The following EYS variants were observed in gnomAD, a reference collection of about 807,000 sequenced individuals.
The protein encoded by EYS is EGF-like photoreceptor maintenance factor.
A neutral mutation model predicts 282.1 loss-of-function variants in EYS; 250 were observed. That is an observed-to-expected ratio of 0.89 (90% CI 0.80 to 0.98). EYS has a LOEUF of 0.98. EYS is among the 50% of genes least tolerant of loss of function. The pLI, the probability that EYS is intolerant of heterozygous loss-of-function variation, is 0.00. For synonymous variants in EYS, 1,355 were observed against 1,282.9 expected (o/e 1.06, Z -1.20); for missense variants, 4,016 against 3,709.0 (o/e 1.08, Z -2.15).
chr6:64,580,063 C>G (rs137999027), intron 26 of EYS, among the ~76,000 whole-genome samples: 1 of 152,192 alleles, frequency 6.6e-6, no homozygotes. Context: ...TCCTAGACTT[C>G]AACATTTTTA....
intron 12 of EYS, among the ~76,000 whole-genome samples, chr6:65,269,993 T>C (rs1182241589): frequency 6.6e-6 from 1 of 152,110 alleles, no homozygotes; most frequent in Non-Finnish European, 1.5e-5. Context: ...GCCCCAAAAG[T>C]TAACTTACAC....
intron 13 of EYS, among the ~76,000 whole-genome samples, chr6:65,005,291 A>G (rs1281915525): frequency 6.8e-6 from 1 of 147,802 alleles, no homozygotes; most frequent in Non-Finnish European, 1.5e-5. Context: ...ATCGAGCTGA[A>G]CGCTAGTCAC....
At chr6:64,599,355 G>C (rs2097933485) in intron 24 of EYS, among the ~76,000 whole-genome samples, 1 of 152,164 alleles carries the variant, frequency 6.6e-6, no homozygotes. Context: ...AGTAAAGTTT[G>C]TATTCAGGGT....
chr6:64,106,826 A>G (rs1350189706), intron 31 of EYS, among the ~76,000 whole-genome samples: 1 of 151,798 alleles, frequency 6.6e-6, no homozygotes, highest in African/African-American at 2.4e-5. Flanking sequence ...TACCTTTTGT[A>G]GTCATCTCAC....
intron 22 of EYS, among the ~76,000 whole-genome samples, chr6:64,657,347 C>T (rs963203749): frequency 6.6e-6 from 1 of 152,110 alleles, no homozygotes; most frequent in African/African-American, 2.4e-5. Context: ...GCATTTAGCC[C>T]ATTTACATTT....
intron 35 of EYS, among the ~76,000 whole-genome samples, chr6:63,866,478 T>A (rs2149710673): frequency 6.6e-6 from 1 of 152,340 alleles, no homozygotes; most frequent in Non-Finnish European, 1.5e-5. Flanking sequence ...TTGATTGATT[T>A]AAATGCTTTA....
chr6:63,808,274 G>C (rs1770956725), intron 36 of EYS, among the ~76,000 whole-genome samples: 1 of 152,108 alleles, frequency 6.6e-6, no homozygotes, highest in African/African-American at 2.4e-5. Flanking sequence ...TCATACTCAG[G>C]GAACTTATGA....
At chr6:64,151,321 A>G (rs1282249132) in intron 31 of EYS, among the ~76,000 whole-genome samples, 938 of 49,218 alleles carry the variant, frequency 0.019, 24 homozygotes, top group African/African-American at 0.046. Context: ...GTATATTTAT[A>G]TATATATATA....
At chr6:65,019,633 T>A (rs1456286342) in intron 13 of EYS, among the ~76,000 whole-genome samples, 1 of 152,224 alleles carries the variant, frequency 6.6e-6, no homozygotes, top group Non-Finnish European at 1.5e-5. Flanking sequence ...GACATTAATA[T>A]CATTATCTCT....
intron 12 of EYS, among the ~76,000 whole-genome samples, chr6:65,251,751 C>A (rs916106230): frequency 3.9e-5 from 6 of 151,944 alleles, no homozygotes; most frequent in Admixed American, 2.0e-4. Context: ...CAGAACTGGC[C>A]ACAGATGGAG....
intron 37 of EYS, among the ~76,000 whole-genome samples, chr6:63,791,053 G>A (rs914029969): frequency 2.0e-5 from 3 of 152,104 alleles, no homozygotes; most frequent in East Asian, 3.9e-4. Flanking sequence ...CAAGTTCCAC[G>A]AAGAGCAGAA....
intron 29 of EYS, among the ~76,000 whole-genome samples, chr6:64,317,336 A>G (rs1226135237): frequency 2.7e-5 from 4 of 149,096 alleles, no homozygotes; most frequent in Non-Finnish European, 4.4e-5. Flanking sequence ...TTAAATTTAC[A>G]AGAAAAAAAA....
At chr6:64,896,602 C>A (rs1451524763) in intron 18 of EYS, among the ~76,000 whole-genome samples, 1 of 150,448 alleles carries the variant, frequency 6.6e-6, no homozygotes, top group Non-Finnish European at 1.5e-5. Context: ...CAAGAGAGAA[C>A]CCTTCACTCC....
At chr6:64,245,992 C>T (rs949196386) in intron 30 of EYS, among the ~76,000 whole-genome samples, 4 of 117,670 alleles carry the variant, frequency 3.4e-5, no homozygotes, top group Non-Finnish European at 1.6e-5. Flanking sequence ...GCAGTCCAGC[C>T]TGGGCGACAG....
chr6:64,072,821 A>G (rs1001784871), intron 32 of EYS, among the ~76,000 whole-genome samples: 9 of 151,946 alleles, frequency 5.9e-5, no homozygotes, highest in African/African-American at 2.2e-4. Context: ...TATTTTTGAG[A>G]TAAGTCTTAA....
At chr6:64,238,896 T>C (rs1766698875) in intron 30 of EYS, among the ~76,000 whole-genome samples, 1 of 152,164 alleles carries the variant, frequency 6.6e-6, no homozygotes, top group South Asian at 2.1e-4. Flanking sequence ...ATGCTATCCC[T>C]CCACTAGCTC....
At chr6:65,650,384 T>G (rs1031471815) in intron 1 of EYS, among the ~76,000 whole-genome samples, 3 of 152,174 alleles carry the variant, frequency 2.0e-5, no homozygotes, top group African/African-American at 7.2e-5. Flanking sequence ...AATCTAGGCT[T>G]GAAGAGATTA....
chr6:65,436,481 G>GT (rs1246361757), intron 5 of EYS, among the ~76,000 whole-genome samples: 1 of 152,108 alleles, frequency 6.6e-6, no homozygotes, highest in Non-Finnish European at 1.5e-5. Flanking sequence ...AAAAAATGAT[G>GT]TTTTGATTGT....
At chr6:64,224,526 C>T (rs1007211457) in intron 31 of EYS, among the ~76,000 whole-genome samples, 12 of 152,132 alleles carry the variant, frequency 7.9e-5, no homozygotes, top group Non-Finnish European at 1.6e-4. Context: ...CTAAACTAGA[C>T]AGCTCTCTTC....
Sources: gnomAD v4.1 joint callset for allele counts (sites outside exome capture counted in the v4.1 genomes callset) on GRCh38, gnomAD v4.1.1 for gene constraint, MANE v1.5 for transcripts, NCBI Gene and HGNC (gene_info 2026-07-23, HGNC 2026-07-21) for gene names.